SKAP1: variants seen among roughly 807,000 people sequenced by gnomAD.
The protein encoded by SKAP1 is src kinase-associated phosphoprotein 1.
Under a neutral mutation model 58.5 loss-of-function variants are expected in SKAP1, and 44 were observed. The observed-to-expected ratio is 0.75, with a 90% confidence interval of 0.59 to 0.97. The LOEUF (loss-of-function observed/expected upper bound fraction) is 0.97. Ranked by LOEUF, SKAP1 falls within the 50% of genes least tolerant of loss-of-function variation. The pLI is 0.00. For synonymous variants in SKAP1, 127 were observed against 149.7 expected (o/e 0.85, Z 1.11); for missense variants, 390 against 435.2 (o/e 0.90, Z 0.92).
intron 4 of SKAP1, among the ~76,000 whole-genome samples, chr17:48,201,022 A>G (rs776810395): frequency 3.9e-5 from 6 of 152,172 alleles, no homozygotes; most frequent in Non-Finnish European, 8.8e-5. Context: ...CGCTTAAGTC[A>G]CAAACAGTCA....
chr17:48,254,150 C>T (rs1047310443), intron 4 of SKAP1, among the ~76,000 whole-genome samples: 4 of 152,142 alleles, frequency 2.6e-5, no homozygotes, highest in African/African-American at 9.7e-5. Flanking sequence ...TAATTAGCTT[C>T]AGTGATTTCA....
chr17:48,205,460 G>T (rs767326181), intron 4 of SKAP1, among the ~76,000 whole-genome samples: 2 of 151,988 alleles, frequency 1.3e-5, no homozygotes, highest in Non-Finnish European at 2.9e-5. Context: ...AACCAGAAAA[G>T]ATAAAAAGTA....
upstream of SKAP1, among the ~76,000 whole-genome samples, chr17:48,432,089 T>C (rs1225001084): frequency 6.6e-6 from 1 of 152,190 alleles, no homozygotes; most frequent in Non-Finnish European, 1.5e-5. Context: ...CATGAGCCTC[T>C]CTGGGGTATC....
chr17:48,145,616 G>T (rs2063823184), intron 11 of SKAP1, among the ~76,000 whole-genome samples: 1 of 152,090 alleles, frequency 6.6e-6, no homozygotes, highest in African/African-American at 2.4e-5. Context: ...GTCCCTGTGT[G>T]GTGCTGCAAA....
chr17:48,135,236 T>C (rs2063684135), intron 12 of SKAP1, among the ~76,000 whole-genome samples: 1 of 152,192 alleles, frequency 6.6e-6, no homozygotes, highest in East Asian at 1.9e-4. Flanking sequence ...CTCCAAGGAA[T>C]GTTTGTATCA....
chr17:48,310,762 GA>G, intron 4 of SKAP1, among the ~76,000 whole-genome samples: 1 of 150,834 alleles, frequency 6.6e-6, no homozygotes, highest in South Asian at 2.1e-4. Flanking sequence ...TAAGGCAGGG[GA>G]ACAATTAAAG....
chr17:48,171,968 G>C (rs2064224612), intron 9 of SKAP1, among the ~76,000 whole-genome samples: 1 of 152,134 alleles, frequency 6.6e-6, no homozygotes, highest in African/African-American at 2.4e-5. Flanking sequence ...GCTGAGGCAA[G>C]AGAATTGCTT....
intron 11 of SKAP1, among the ~76,000 whole-genome samples, chr17:48,157,536 C>CTT (rs35277314): frequency 0.033 from 4,483 of 137,320 alleles, 96 homozygotes; most frequent in Middle Eastern, 0.073. Context: ...TGCCCGGCCT[C>CTT]TTTTTTTTTT....
chr17:48,158,252 A>G (rs2064010692), intron 11 of SKAP1, among the ~76,000 whole-genome samples: 1 of 150,868 alleles, frequency 6.6e-6, no homozygotes, highest in Non-Finnish European at 1.5e-5. Context: ...CAAGACTAAA[A>G]GATTCTCCTC....
rs144833396 is a variant in SKAP1, at chr17:48,365,613, C to T, written c.153-1799G>A. On this transcript the variant is annotated intron_variant, in intron 2 of 12. Coordinates refer to ENST00000336915, the MANE Select transcript of SKAP1 (RefSeq NM_003726.4). ...TTTCAAAAGCACTGTCTACACTTGG[C>T]TCATTTTATTCCCTCACTGCCCACT... is the stretch of plus-strand genomic sequence containing the variant. 1.7e-3 allele frequency among the ~76,000 whole-genome samples: 253 copies of T among 152,262 alleles called. 2 individuals are homozygous for T. The highest frequency in any genetic ancestry group is 5.8e-3 in the African/African-American group (240 of 41,558).
intron 4 of SKAP1, among the ~76,000 whole-genome samples, chr17:48,262,259 C>T (rs1011122716): frequency 2.0e-5 from 3 of 152,118 alleles, no homozygotes; most frequent in Admixed American, 2.0e-4. Flanking sequence ...CGGCCTCAAA[C>T]CAGTACATTT....
chr17:48,202,045 A>G (rs1186274279), intron 4 of SKAP1, among the ~76,000 whole-genome samples: 1 of 152,180 alleles, frequency 6.6e-6, no homozygotes, highest in Admixed American at 6.5e-5. Flanking sequence ...TAATACTGTT[A>G]ATGGTGAAGG....
intron 4 of SKAP1, chr17:48,308,083 C>A (rs1429239835): frequency 6.6e-6 from 1 of 152,134 alleles, no homozygotes; most frequent in Non-Finnish European, 1.5e-5. Context: ...CAATTCAGAG[C>A]TAATTATGAT....
chr17:48,342,106 G>A (rs2066661264), intron 4 of SKAP1, among the ~76,000 whole-genome samples: 1 of 152,166 alleles, frequency 6.6e-6, no homozygotes, highest in Non-Finnish European at 1.5e-5. Flanking sequence ...ATCAGATCTT[G>A]AGCTTTGTAG....
chr17:48,193,369 G>A (rs1251132581), intron 4 of SKAP1, among the ~76,000 whole-genome samples: 1 of 152,164 alleles, frequency 6.6e-6, no homozygotes, highest in Non-Finnish European at 1.5e-5. Flanking sequence ...TCATTAGACA[G>A]AATCTGTATT....
At chr17:48,214,966 T>TAAAATAAAATA (rs1269653448) in intron 4 of SKAP1, among the ~76,000 whole-genome samples, 2 of 150,716 alleles carry the variant, frequency 1.3e-5, no homozygotes, top group Admixed American at 6.6e-5. Context: ...TAAAATAAAA[T>TAAAATAAAATA]AAACAGATGG....
At chr17:48,242,282 G>A (rs2065251174) in intron 4 of SKAP1, among the ~76,000 whole-genome samples, 1 of 152,174 alleles carries the variant, frequency 6.6e-6, no homozygotes, top group South Asian at 2.1e-4. Context: ...TGATCAGTGT[G>A]CCTAGAAAGG....
chr17:48,293,041 G>C (rs956644449), intron 4 of SKAP1, among the ~76,000 whole-genome samples: 1 of 152,002 alleles, frequency 6.6e-6, no homozygotes, highest in Admixed American at 6.6e-5. Context: ...TTAATTAAAG[G>C]CTCAAACTTA....
At chr17:48,416,620 G>C (rs866140799) in intron 1 of SKAP1, among the ~76,000 whole-genome samples, 1 of 152,198 alleles carries the variant, frequency 6.6e-6, no homozygotes, top group Non-Finnish European at 1.5e-5. Flanking sequence ...CTTGGAAACA[G>C]TAGAAAACCA....
Sources: allele counts gnomAD v4.1 joint callset (sites outside exome capture counted in the v4.1 genomes callset), GRCh38; gene constraint gnomAD v4.1.1; transcripts MANE v1.5; gene names NCBI Gene and HGNC (gene_info 2026-07-23, HGNC 2026-07-21).